CAMSAP1: variants seen among roughly 807,000 people sequenced by gnomAD.
CAMSAP1 encodes the protein calmodulin regulated spectrin associated protein 1.
Under a neutral mutation model 143.5 loss-of-function variants are expected in CAMSAP1, and 58 were observed. The observed-to-expected ratio is 0.40, with a 90% CI of 0.33 to 0.50. The LOEUF is 0.50. Among genes scored for constraint, CAMSAP1 ranks in the 20% least tolerant of loss-of-function variants. The pLI is 0.45. For missense variants in CAMSAP1, 1,969 were observed against 2,115.7 expected (o/e 0.93, Z 1.36); for synonymous variants, 945 against 859.3 (o/e 1.10, Z -1.74).
At chr9:135,889,705 C>T (rs947315538) in intron 1 of CAMSAP1, among the ~76,000 whole-genome samples, 1 of 152,224 alleles carries the variant, frequency 6.6e-6, no homozygotes, top group Non-Finnish European at 1.5e-5. Flanking sequence ...AGGGGCAACC[C>T]TCATAGCCCC....
chr9:135,903,699 G>C (rs879848774), intron 1 of CAMSAP1, among the ~76,000 whole-genome samples: 1 of 152,214 alleles, frequency 6.6e-6, no homozygotes, highest in Non-Finnish European at 1.5e-5. Flanking sequence ...CCTTTAACAA[G>C]TTAAATATTG....
chr9:135,822,078 C>A lies in CAMSAP1; in HGVS notation c.2583G>T (p.Gln861His). The A allele has an allele frequency of 6.2e-7, 1 of 1,612,650 alleles. No individual in the cohort carries two copies. Reference protein sequence around the residue: ...PLTTWRQKREQSPSQHGKDPA... With the variant: ...PLTTWRQKREHSPSQHGKDPA... ...GATCCTTGCCATGCTGGCTCGGACT[C>A]TGCTCCCTCTTCTGCCTCCACGTCG... The change falls in exon 11 of 17, where the codon CAG becomes CAT. Residue 861 changes from glutamine to histidine, a missense_variant. Around this residue, in one of 4 missense-constraint regions of CAMSAP1, gnomAD observed 1,390 missense variants for 1,420.8 expected, o/e 0.98. Coordinates refer to ENST00000389532, the MANE Select transcript of CAMSAP1 (RefSeq NM_015447.4). This position sits in a 1 kb window ranked among gnomAD's most constrained non-coding sequence, Gnocchi z 6.1.
Position 135,818,268 on chromosome 9 carries a change from T to A in CAMSAP1, c.4168+140A>T. ...CTCAGAGCATCTGGTCTCAACATTG[T>A]CATCCATGAAACGGGGATAATCATC... is the stretch of plus-strand genomic sequence containing the variant. On this transcript the variant is annotated intron_variant, in intron 13 of 16. Coordinates refer to ENST00000389532, the MANE Select transcript of CAMSAP1 (RefSeq NM_015447.4). This position sits in a 1 kb window ranked among gnomAD's most constrained non-coding sequence, Gnocchi z 7.7. 4 of 1,119,330 alleles carry A rather than the reference T, an allele frequency of 3.6e-6. No homozygotes were observed. Among genetic ancestry groups the A allele is most frequent in the South Asian group, 1.6e-5 (1 of 64,366 alleles). The allele number at this position is 1,119,330 out of a possible 1,614,324, so 69.3% of individuals were successfully genotyped here.
At position 135,821,906 on chromosome 9, in the gene CAMSAP1, C is replaced by T; in HGVS notation, c.2755G>A (p.Val919Met). 6.2e-7 allele frequency: 1 copy of T among 1,613,870 alleles called. No individual in the cohort carries two copies. The highest frequency in any genetic ancestry group is 8.5e-7 in the Non-Finnish European group (1 of 1,179,876). Residue 919 changes from valine (V) to methionine (M), a missense_variant, in exon 11 of 17, where the codon GTG becomes ATG. By Grantham distance (21) the Val-to-Met change is conservative (BLOSUM62 1). This residue lies in a region of CAMSAP1 where 1,390 missense variants were observed against 1,420.8 expected (regional missense o/e 0.98). Transcript: ENST00000389532. The surrounding 1 kb of genome is among the most constrained non-coding windows in gnomAD (Gnocchi z 4.6). ...GCAGCCTCGGCCTTGCCCTTCTTCA[C>T]CACATGCAGGAATGCAGCCTTGCCG... ...KLGKAAFLHV[V>M]KKGKAEAAPP...
chr9:135,887,181 G>A (rs1018435905), intron 1 of CAMSAP1, among the ~76,000 whole-genome samples: 7 of 152,310 alleles, frequency 4.6e-5, no homozygotes, highest in Non-Finnish European at 7.3e-5. Flanking sequence ...CCAAGCCCAC[G>A]GGACAGATGT....
At chr9:135,890,409 G>A (rs538224990) in intron 1 of CAMSAP1, among the ~76,000 whole-genome samples, 1 of 152,238 alleles carries the variant, frequency 6.6e-6, no homozygotes, top group Admixed American at 6.5e-5. Flanking sequence ...CAGAGAACCC[G>A]TCCCTCTTCC....
intron 5 of CAMSAP1, among the ~76,000 whole-genome samples, chr9:135,856,033 G>A (rs1476577730): frequency 1.3e-5 from 2 of 152,158 alleles, no homozygotes; most frequent in African/African-American, 4.8e-5. Context: ...GCATAGGCAA[G>A]AGAGTGAGAC....
chr9:135,881,619 G>A lies in CAMSAP1; in HGVS notation c.585+14C>T. On this transcript the variant is annotated intron_variant, in intron 3 of 16. Coordinates refer to ENST00000389532, the MANE Select transcript of CAMSAP1 (RefSeq NM_015447.4). ...GAAGCAGAGTCACACACCACATCTA[G>A]GCAGGGCACTCACCTTGTTGATCCA... is the stretch of plus-strand genomic sequence containing the variant. 2 of 1,551,608 alleles carry A rather than the reference G, an allele frequency of 1.3e-6. No homozygotes were observed. The highest frequency in any genetic ancestry group is 2.0e-5 in the Admixed American group (1 of 50,996).
intron 3 of CAMSAP1, among the ~76,000 whole-genome samples, chr9:135,874,794 A>T (rs1031686231): frequency 6.6e-6 from 1 of 152,200 alleles, no homozygotes; most frequent in African/African-American, 2.4e-5. Flanking sequence ...CAATGCCACT[A>T]GAATAAATAA....
At chr9:135,906,859 G>A (rs1838796952) in intron 1 of CAMSAP1, 141 bp downstream of exon 1, 2 of 405,070 alleles carry the variant, frequency 4.9e-6, no homozygotes, top group Admixed American at 6.4e-5. Flanking sequence ...GGACCTCGGA[G>A]GCGGCCGGCC....
Position 135,823,955 on chromosome 9 carries a change from T to C in CAMSAP1, c.1395A>G (p.Lys465=), listed in dbSNP as rs376118197. 1.4e-5 allele frequency: 22 copies of C among 1,578,146 alleles called. No homozygotes were observed. The African/African-American group carries it at 2.6e-4, about 18-fold the overall frequency. ...RGAAIAWPEK[K]TRPASQPTPF... ...CTGCTGAAACACAGACTCACCTGGTTTTTTTTTCTGGCCAGGCTATTGCTG... is the reference window on the plus strand; with the variant it reads ...CTGCTGAAACACAGACTCACCTGGTCTTTTTTTCTGGCCAGGCTATTGCTG... The change falls in exon 10 of 17, where the codon AAA becomes AAG. Residue 465 remains lysine, a synonymous_variant. Transcript: ENST00000389532.
At chr9:135,835,537 C>CA (rs1330257587) in intron 7 of CAMSAP1, among the ~76,000 whole-genome samples, 10 of 152,286 alleles carry the variant, frequency 6.6e-5, no homozygotes, top group Non-Finnish European at 1.3e-4. Context: ...TCACTAGGCA[C>CA]AAAACGCAGA....
chr9:135,823,636 A>T (rs1369641271), intron 10 of CAMSAP1, among the ~76,000 whole-genome samples: 1 of 152,224 alleles, frequency 6.6e-6, no homozygotes, highest in East Asian at 1.9e-4. Context: ...AGAACGGAAG[A>T]AGTTCCTAGT....
chr9:135,836,132 C>T, intron 7 of CAMSAP1: 1 of 985,434 alleles, frequency 1.0e-6, no homozygotes. Context: ...GACTTCCTGC[C>T]CAAAAGCACC....
chr9:135,872,790 T>G (rs1345599792), intron 3 of CAMSAP1, among the ~76,000 whole-genome samples: 1 of 152,256 alleles, frequency 6.6e-6, no homozygotes. Context: ...ACAAAAGGGT[T>G]AATTCATCAA....
chr9:135,836,904 A>G (rs1347807026), intron 7 of CAMSAP1: 1 of 980,204 alleles, frequency 1.0e-6, no homozygotes, highest in East Asian at 1.2e-4. Flanking sequence ...TACCCATTCT[A>G]CAGACACACG....
intron 1 of CAMSAP1, among the ~76,000 whole-genome samples, chr9:135,889,825 C>T (rs372569721): frequency 5.9e-5 from 9 of 152,210 alleles, no homozygotes; most frequent in African/African-American, 2.2e-4. Flanking sequence ...CCCGGCCGGC[C>T]ACCCTCATTC....
chr9:135,816,568 G>A (rs1835236793), intron 14 of CAMSAP1, among the ~76,000 whole-genome samples: 1 of 152,226 alleles, frequency 6.6e-6, no homozygotes, highest in African/African-American at 2.4e-5. Context: ...TCTCACAAGG[G>A]AGGCAGACAG....
intron 7 of CAMSAP1, among the ~76,000 whole-genome samples, chr9:135,832,626 C>A (rs1835891954): frequency 6.6e-6 from 1 of 152,140 alleles, no homozygotes; most frequent in Admixed American, 6.5e-5. Context: ...CAAGGTCCTA[C>A]ACATAGAAAA....
Sources: gnomAD v4.1 joint callset for allele counts (sites outside exome capture counted in the v4.1 genomes callset) on GRCh38, gnomAD v4.1.1 for gene constraint, gnomAD v4.1.1 regional missense constraint, Gnocchi (gnomAD v3.1) non-coding constraint, MANE v1.5 for transcripts, NCBI Gene and HGNC (gene_info 2026-07-23, HGNC 2026-07-21) for gene names.